Variants in KCNJ12 observed in about 807,000 individuals in gnomAD.
KCNJ12 encodes potassium inwardly rectifying channel subfamily J member 12.
Under a neutral mutation model 22.3 loss-of-function variants are expected in KCNJ12, and 2 were observed. The observed-to-expected ratio is 0.09, with a 90% CI of 0.04 to 0.28. The LOEUF is 0.28. KCNJ12 is among the 10% of genes least tolerant of loss of function. The pLI is 1.00. For synonymous variants in KCNJ12, 117 were observed against 261.4 expected, an observed-to-expected ratio of 0.45 and a Z score of 5.33; for missense variants, 155 against 633.3, an observed-to-expected ratio of 0.24 and a Z score of 8.11.
chr17:21,409,322 T>C (rs1471296099), intron 2 of KCNJ12, among the ~76,000 whole-genome samples: 2 of 150,086 alleles, frequency 1.3e-5, no homozygotes, highest in East Asian at 2.0e-4. Context: ...AGGAGGAGAC[T>C]TGGTGTGGGG....
At chr17:21,401,756 C>A (rs1251784393) in intron 1 of KCNJ12, among the ~76,000 whole-genome samples, 1 of 152,224 alleles carries the variant, frequency 6.6e-6, no homozygotes, top group African/African-American at 2.4e-5. Flanking sequence ...AGTTCCCAAT[C>A]CCTTAACTTC....
chr17:21,410,697 C>T (rs1201181568), intron 2 of KCNJ12, among the ~76,000 whole-genome samples: 3 of 152,288 alleles, frequency 2.0e-5, no homozygotes, highest in Admixed American at 2.0e-4. Flanking sequence ...ATTGCAGTGC[C>T]ACGCACACAG....
intron 2 of KCNJ12, among the ~76,000 whole-genome samples, chr17:21,411,147 A>C (rs1168720221): frequency 3.2e-4 from 48 of 152,284 alleles, no homozygotes; most frequent in Non-Finnish European, 5.3e-4. Flanking sequence ...CCCGGATGTC[A>C]CCGAAACCTG....
intron 2 of KCNJ12, among the ~76,000 whole-genome samples, chr17:21,411,186 A>C (rs550538959): frequency 1.3e-5 from 2 of 152,308 alleles, no homozygotes. Context: ...GGCAGTGGGC[A>C]TGGGGCATCC....
intron 1 of KCNJ12, among the ~76,000 whole-genome samples, chr17:21,397,240 A>G (rs1260696497): frequency 6.6e-6 from 1 of 152,144 alleles, no homozygotes; most frequent in Non-Finnish European, 1.5e-5. Flanking sequence ...TTCCCTGCAG[A>G]GCTTTCTCAG....
At chr17:21,378,202 C>T (rs1904736434) in intron 1 of KCNJ12, among the ~76,000 whole-genome samples, 1 of 152,250 alleles carries the variant, frequency 6.6e-6, no homozygotes, top group Non-Finnish European at 1.5e-5. Flanking sequence ...TCGCGCTGCG[C>T]TGCACCTCCG....
intron 1 of KCNJ12, among the ~76,000 whole-genome samples, chr17:21,390,123 C>A (rs1905173181): frequency 6.6e-6 from 1 of 152,186 alleles, no homozygotes; most frequent in Non-Finnish European, 1.5e-5. Context: ...CCACCTCTTT[C>A]ACTGAGAAAA....
intron 2 of KCNJ12, among the ~76,000 whole-genome samples, chr17:21,413,679 T>C (rs1305597946): frequency 2.0e-5 from 3 of 152,304 alleles, no homozygotes; most frequent in African/African-American, 7.2e-5. Flanking sequence ...AGCCTGTCAC[T>C]GACAGGCCAG....
At chr17:21,400,076 A>T (rs1905519687) in intron 1 of KCNJ12, among the ~76,000 whole-genome samples, 2 of 152,172 alleles carry the variant, frequency 1.3e-5, no homozygotes, top group African/African-American at 4.8e-5. Flanking sequence ...TCACTGTGAA[A>T]TCAGGCCATG....
intron 1 of KCNJ12, among the ~76,000 whole-genome samples, chr17:21,395,568 C>CAAAAAAAAAAA (rs10652801): frequency 5.0e-4 from 24 of 47,996 alleles, no homozygotes; most frequent in African/African-American, 8.2e-4. Flanking sequence ...GACTTCTTCT[C>CAAAAAAAAAAA]AAAAAAAAAA....
At chr17:21,379,673 G>A (rs949615531) in intron 1 of KCNJ12, among the ~76,000 whole-genome samples, 3 of 152,164 alleles carry the variant, frequency 2.0e-5, no homozygotes, top group Non-Finnish European at 4.4e-5. Flanking sequence ...TGGCTGTGCC[G>A]GGAACTGGCA....
At chr17:21,386,367 C>T (rs1435374778) in intron 1 of KCNJ12, among the ~76,000 whole-genome samples, 1 of 152,170 alleles carries the variant, frequency 6.6e-6, no homozygotes, top group African/African-American at 2.4e-5. Flanking sequence ...ATGAGACAGT[C>T]TCACTCTGTC....
Position 21,416,741 on chromosome 17 carries a change from C to T in KCNJ12, c.*97C>T. ...GTTTGAGCAGAACGGGCCCAGTGCC[C>T]TGGGTTGCAGACTCAGTAGCGTTTT... On this transcript the variant is annotated 3_prime_UTR_variant, in exon 3 of 3. Coordinates refer to ENST00000583088, the MANE Select transcript of KCNJ12 (RefSeq NM_021012.5). 1 of 1,453,466 alleles carries T rather than the reference C, an allele frequency of 6.9e-7. No homozygotes were observed. The highest frequency in any genetic ancestry group is 9.1e-7 in the Non-Finnish European group (1 of 1,099,180). 90.0% of individuals were successfully genotyped at this position (1,453,466 alleles called of 1,614,324 possible). A position where few individuals can be genotyped will look rare whatever the true frequency, so the allele number is the denominator to read the frequency against.
chr17:21,409,587 G>T (rs1208657460), intron 2 of KCNJ12, among the ~76,000 whole-genome samples: 26 of 152,426 alleles, frequency 1.7e-4, no homozygotes, highest in Middle Eastern at 3.4e-3. Flanking sequence ...GGGGCAGCTT[G>T]CTGGGGCCCA....
At chr17:21,402,902 G>C (rs1369261155) in intron 1 of KCNJ12, among the ~76,000 whole-genome samples, 1 of 152,310 alleles carries the variant, frequency 6.6e-6, no homozygotes, top group Non-Finnish European at 1.5e-5. Flanking sequence ...ACACCTGGGT[G>C]CTAGGCCCAG....
chr17:21,393,330 G>T (rs1555559531), intron 1 of KCNJ12, among the ~76,000 whole-genome samples: 1 of 152,116 alleles, frequency 6.6e-6, no homozygotes. Flanking sequence ...GCCCTCAGAG[G>T]CCCTGCTTCA....
rs1373427748 is a variant in KCNJ12 at position 21,417,516 on chromosome 17, C to G, written c.*872C>G. 1 of 167,250 alleles carries G rather than the reference C, an allele frequency of 6.0e-6. No individual in the cohort carries two copies. The highest frequency in any genetic ancestry group is 6.5e-5 in the Admixed American group (1 of 15,294). The allele number at this position is 167,250 out of a possible 1,614,324, so 10.4% of individuals were successfully genotyped here. A position where few individuals can be genotyped will look rare whatever the true frequency, so the allele number is the denominator to read the frequency against. Reference sequence around the variant, plus strand: ...CTCGATTTTCCTGTTTTGCTTCTCTCTCCATTTCTGTCCAGGCCTCCGCCC... The same window carrying G: ...CTCGATTTTCCTGTTTTGCTTCTCTGTCCATTTCTGTCCAGGCCTCCGCCC... On this transcript the variant is annotated 3_prime_UTR_variant, in exon 3 of 3. Coordinates refer to ENST00000583088, the MANE Select transcript of KCNJ12 (RefSeq NM_021012.5).
chr17:21,388,515 C>T (rs978624421), intron 1 of KCNJ12, among the ~76,000 whole-genome samples: 3 of 152,200 alleles, frequency 2.0e-5, no homozygotes, highest in African/African-American at 4.8e-5. Flanking sequence ...CCTCCTGTGG[C>T]TCCCAACTGC....
chr17:21,399,294 T>C (rs1905494147), intron 1 of KCNJ12, among the ~76,000 whole-genome samples: 1 of 152,200 alleles, frequency 6.6e-6, no homozygotes, highest in Non-Finnish European at 1.5e-5. Flanking sequence ...TATTTCTTCG[T>C]CTTGGGGCAA....
Sources: allele counts gnomAD v4.1 joint callset (sites outside exome capture counted in the v4.1 genomes callset), GRCh38; gene constraint gnomAD v4.1.1; transcripts MANE v1.5; gene names NCBI Gene and HGNC (gene_info 2026-07-23, HGNC 2026-07-21).